The following LOXHD1 variants were observed in gnomAD, a reference collection of about 807,000 sequenced individuals.
LOXHD1 encodes the protein lipoxygenase homology domain-containing protein 1.
LOXHD1 carries 205 observed loss-of-function variants against 248.2 expected under a neutral mutation model. The ratio of observed to expected loss-of-function variants is 0.83; its 90% CI spans 0.74 to 0.93. LOXHD1 has a LOEUF of 0.93. Among genes scored for constraint, LOXHD1 ranks in the 40% least tolerant of loss-of-function variants. The probability of loss-of-function intolerance (pLI) is 0.00; values close to 1 mark genes in which losing one functional copy is unlikely to be tolerated. For missense variants in LOXHD1, 2,930 were observed against 2,971.6 expected, an observed-to-expected ratio of 0.99 and a Z score of 0.33; for synonymous variants, 1,113 against 1,162.8, an observed-to-expected ratio of 0.96 and a Z score of 0.87.
intron 32 of LOXHD1, 80 bp from the exon 33 acceptor site, chr18:46,521,362 G>A: frequency 6.8e-7 from 1 of 1,475,442 alleles, no homozygotes. Context: ...CCCTCCCTCA[G>A]TGCTTCTTCC....
At chr18:46,482,648 C>T (rs17767208) in intron 40 of LOXHD1, among the ~76,000 whole-genome samples, 12,363 of 152,274 alleles carry the variant, frequency 0.081, 672 homozygotes, top group Non-Finnish European at 0.11. Flanking sequence ...GCAGGTTGGA[C>T]AAGTGTGGCT....
rs533704064 is a variant in LOXHD1 at position 46,479,453 on chromosome 18, C to T, written c.6342-1501G>A. Among the ~76,000 whole-genome samples the T allele has an allele frequency of 3.7e-3, 561 of 152,074 alleles. 3 individuals are homozygous for T. The highest frequency in any genetic ancestry group is 0.013 in the African/African-American group (538 of 41,474). The stretch of plus-strand genomic sequence containing the variant: ...GGTTCAGGAATTATAAAGGAAAAAG[C>T]CAGACAGCATGGTGGGAAAATGCTG... On this transcript the variant is annotated intron_variant, in intron 40 of 40. Coordinates refer to ENST00000642948, the MANE Select transcript of LOXHD1 (RefSeq NM_001384474.1).
intron 2 of LOXHD1, among the ~76,000 whole-genome samples, 168 bp from the exon 3 acceptor site, chr18:46,642,204 G>C (rs1209135965): frequency 3.3e-5 from 5 of 152,338 alleles, no homozygotes; most frequent in Admixed American, 2.6e-4. Context: ...TCCCAGGGGA[G>C]GGCAGGGACT....
chr18:46,567,144 G>A (rs2037659367), intron 16 of LOXHD1, among the ~76,000 whole-genome samples: 1 of 152,248 alleles, frequency 6.6e-6, no homozygotes, highest in African/African-American at 2.4e-5. Flanking sequence ...GTTTTTCAAT[G>A]TTTGGATTGC....
rs57471507 is a variant in LOXHD1, at chr18:46,564,093, A to AGTGT, written c.2438-872_2438-869dup. ...AGGCTGGAAGGAGGGGGAGAGAGAG[A>AGTGT]GTGTGTGTGTGTGTGTGTGTGTGTG... On this transcript the variant is annotated intron_variant, in intron 17 of 40. Transcript: ENST00000642948. Among the ~76,000 whole-genome samples, 662 of 149,026 alleles carry AGTGT rather than the reference A, an allele frequency of 4.4e-3. 17 individuals are homozygous for AGTGT. In the East Asian group the frequency reaches 0.089, roughly 20 times the overall value.
rs376559755 is a variant in LOXHD1 at position 46,477,699 on chromosome 18, C to T, written c.6595G>A (p.Glu2199Lys). The T allele has an allele frequency of 1.4e-5, 21 of 1,551,922 alleles. No individual in the cohort carries two copies. In the Admixed American group the frequency reaches 2.2e-4, roughly 16 times the overall value. Residue 2199 changes from glutamate (E) to lysine (K), a missense_variant, in exon 41 of 41, where the codon GAG becomes AAG. Coordinates refer to ENST00000642948, the MANE Select transcript of LOXHD1 (RefSeq NM_001384474.1). The part of the protein sequence containing the change: ...ELKQKMRNLF[E>K]RGSTDRFFLE... ...AAGAAGCGGTCTGTGCTGCCCCGCTCGAAGAGGTTGCGCATTTTCTGCTTC... is the reference window on the plus strand; with the variant it reads ...AAGAAGCGGTCTGTGCTGCCCCGCTTGAAGAGGTTGCGCATTTTCTGCTTC...
chr18:46,551,134 G>T (rs1456693497), intron 21 of LOXHD1, among the ~76,000 whole-genome samples: 1 of 145,694 alleles, frequency 6.9e-6, no homozygotes, highest in African/African-American at 2.6e-5. Flanking sequence ...ACAGAGTCTC[G>T]CTCTGTCTCC....
chr18:46,588,155 C>T (rs1309156359), intron 12 of LOXHD1, among the ~76,000 whole-genome samples: 1 of 151,844 alleles, frequency 6.6e-6, no homozygotes, highest in African/African-American at 2.4e-5. Context: ...AACATTCCAA[C>T]CAGAAAAGGA....
chr18:46,624,953 T>A (rs1289041702), intron 4 of LOXHD1, among the ~76,000 whole-genome samples: 1 of 152,008 alleles, frequency 6.6e-6, no homozygotes, highest in Non-Finnish European at 1.5e-5. Flanking sequence ...TCCGAGAAAT[T>A]GCAATGGGCC....
intron 21 of LOXHD1, chr18:46,556,769 C>A (rs896293619): frequency 1.5e-5 from 3 of 197,398 alleles, no homozygotes; most frequent in South Asian, 8.1e-5. Flanking sequence ...TCACCCAGCC[C>A]ACCCTCAGTC....
chr18:46,632,130 C>T (rs1048627609), intron 4 of LOXHD1, among the ~76,000 whole-genome samples: 1 of 152,136 alleles, frequency 6.6e-6, no homozygotes, highest in Non-Finnish European at 1.5e-5. Flanking sequence ...TAATAATAGC[C>T]GCTACTTCTC....
At chr18:46,623,326 T>C (rs753728249) in intron 4 of LOXHD1, among the ~76,000 whole-genome samples, 1 of 152,194 alleles carries the variant, frequency 6.6e-6, no homozygotes, top group Non-Finnish European at 1.5e-5. Flanking sequence ...ACCTTTCACA[T>C]AGTCACCTCC....
chr18:46,512,760 A>G (rs550905791), intron 34 of LOXHD1, among the ~76,000 whole-genome samples: 2 of 152,238 alleles, frequency 1.3e-5, no homozygotes, highest in East Asian at 1.9e-4. Context: ...CATCTGACCA[A>G]TCTCAGTGCC....
chr18:46,653,801 G>A (rs575857359), intron 1 of LOXHD1, among the ~76,000 whole-genome samples: 3 of 152,218 alleles, frequency 2.0e-5, no homozygotes, highest in Non-Finnish European at 1.5e-5. Context: ...CATCTCTGAA[G>A]TAGGAATAAA....
chr18:46,490,182 G>A (rs1485106323), intron 37 of LOXHD1, among the ~76,000 whole-genome samples: 1 of 152,192 alleles, frequency 6.6e-6, no homozygotes, highest in Non-Finnish European at 1.5e-5. Flanking sequence ...GGATATCCCA[G>A]TGGTTTGGCA....
At chr18:46,622,416 T>C (rs2038681394) in intron 4 of LOXHD1, among the ~76,000 whole-genome samples, 1 of 152,224 alleles carries the variant, frequency 6.6e-6, no homozygotes, top group South Asian at 2.1e-4. Context: ...TTAAAAAACA[T>C]AGAAACCATT....
At chr18:46,648,230 C>T (rs1204953078) in intron 2 of LOXHD1, among the ~76,000 whole-genome samples, 1 of 152,118 alleles carries the variant, frequency 6.6e-6, no homozygotes, top group East Asian at 1.9e-4. Context: ...CGCACTCCAG[C>T]CTGGGCGACA....
intron 12 of LOXHD1, among the ~76,000 whole-genome samples, chr18:46,581,468 T>C (rs2037960541): frequency 6.6e-6 from 1 of 152,110 alleles, no homozygotes; most frequent in Non-Finnish European, 1.5e-5. Context: ...AGCTGTCTAT[T>C]AGATGTTCAA....
chr18:46,646,496 C>T (rs1029415227), intron 2 of LOXHD1, among the ~76,000 whole-genome samples: 7 of 152,192 alleles, frequency 4.6e-5, no homozygotes, highest in Admixed American at 2.0e-4. Context: ...CTTCCCCACT[C>T]GTCCTGCTCA....
Sources: allele counts gnomAD v4.1 joint callset (sites outside exome capture counted in the v4.1 genomes callset), GRCh38; gene constraint gnomAD v4.1.1; transcripts MANE v1.5; gene names NCBI Gene and HGNC (gene_info 2026-07-23, HGNC 2026-07-21).